The following ATG5 variants were observed in gnomAD, a reference collection of about 807,000 sequenced individuals.
ATG5 encodes the protein autophagy protein 5.
Under a neutral mutation model 36.5 loss-of-function variants are expected in ATG5, and 14 were observed. The observed-to-expected ratio is 0.38, with a 90% CI of 0.25 to 0.60. ATG5 has a LOEUF of 0.60. Among genes scored for constraint, ATG5 ranks in the 20% least tolerant of loss-of-function variants. The probability of loss-of-function intolerance (pLI) is 0.60; values close to 1 mark genes in which losing one functional copy is unlikely to be tolerated. For synonymous variants in ATG5, 95 were observed against 101.5 expected (o/e 0.94, Z 0.38); for missense variants, 195 against 326.7 (o/e 0.60, Z 3.11).
chr6:106,206,547 G>A (rs1451914574), intron 6 of ATG5, among the ~76,000 whole-genome samples: 3 of 151,890 alleles, frequency 2.0e-5, no homozygotes, highest in Non-Finnish European at 4.4e-5. Flanking sequence ...CTACTCAGGA[G>A]GCTGAGGCAG....
chr6:106,323,146 C>G (rs1463526902), intron 1 of ATG5, among the ~76,000 whole-genome samples: 3 of 151,940 alleles, frequency 2.0e-5, no homozygotes, highest in Non-Finnish European at 4.4e-5. Context: ...ACCGTGTTAG[C>G]CAGGATGGTC....
At chr6:106,305,091 C>CA (rs71756848) in intron 3 of ATG5, among the ~76,000 whole-genome samples, 16,055 of 118,320 alleles carry the variant, frequency 0.14, 963 homozygotes, top group South Asian at 0.19. Flanking sequence ...AACTCCGTCT[C>CA]AAAAAAAAAA....
At chr6:106,291,227 T>C (rs1780294844) in intron 4 of ATG5, among the ~76,000 whole-genome samples, 1 of 152,228 alleles carries the variant, frequency 6.6e-6, no homozygotes, top group Non-Finnish European at 1.5e-5. Flanking sequence ...TAAAAAGACA[T>C]GTACTTAAGA....
intron 7 of ATG5, among the ~76,000 whole-genome samples, chr6:106,201,370 G>C (rs570342165): frequency 2.0e-5 from 3 of 150,796 alleles, no homozygotes; most frequent in African/African-American, 7.3e-5. Flanking sequence ...GCATTTTCTT[G>C]GTGTTCTTTA....
intron 6 of ATG5, among the ~76,000 whole-genome samples, chr6:106,241,246 A>G (rs1008515885): frequency 4.6e-5 from 7 of 152,244 alleles, no homozygotes; most frequent in Non-Finnish European, 8.8e-5. Flanking sequence ...ACATTTCTTC[A>G]AGGATGATAA....
chr6:106,320,680 C>T (rs961014214), intron 1 of ATG5, among the ~76,000 whole-genome samples: 5 of 150,452 alleles, frequency 3.3e-5, no homozygotes, highest in African/African-American at 1.2e-4. Context: ...ATGGTAAGTG[C>T]TAGGAAATGC....
intron 6 of ATG5, among the ~76,000 whole-genome samples, chr6:106,221,252 T>C (rs957567380): frequency 6.6e-6 from 1 of 152,230 alleles, no homozygotes; most frequent in Non-Finnish European, 1.5e-5. Context: ...TTACATTTTG[T>C]AATATTTTCT....
chr6:106,258,246 G>A (rs1562241270), intron 5 of ATG5, among the ~76,000 whole-genome samples: 3 of 150,660 alleles, frequency 2.0e-5, no homozygotes, highest in Non-Finnish European at 1.5e-5. Flanking sequence ...GTGTATGCCA[G>A]TAGTACCAGC....
intron 7 of ATG5, among the ~76,000 whole-genome samples, chr6:106,197,850 C>T (rs1293860358): frequency 6.6e-6 from 1 of 152,124 alleles, no homozygotes; most frequent in African/African-American, 2.4e-5. Context: ...AACAGACTAA[C>T]ACAGCATCTA....
At chr6:106,226,223 A>G (rs1191224936) in intron 6 of ATG5, among the ~76,000 whole-genome samples, 2 of 152,222 alleles carry the variant, frequency 1.3e-5, no homozygotes, top group Non-Finnish European at 1.5e-5. Flanking sequence ...ACCAAGCAGT[A>G]ACTTTAGGGG....
intron 5 of ATG5, among the ~76,000 whole-genome samples, chr6:106,264,840 G>A (rs976095784): frequency 6.6e-6 from 1 of 151,990 alleles, no homozygotes; most frequent in Non-Finnish European, 1.5e-5. Context: ...GCTCCTGAAG[G>A]AAGCACTACA....
At chr6:106,234,336 T>C (rs879244700) in intron 6 of ATG5, among the ~76,000 whole-genome samples, 2 of 152,042 alleles carry the variant, frequency 1.3e-5, no homozygotes, top group South Asian at 4.1e-4. Flanking sequence ...TGGATGTGCC[T>C]CCCCCTGTAT....
intron 3 of ATG5, among the ~76,000 whole-genome samples, chr6:106,300,116 T>C (rs1770143741): frequency 3.3e-5 from 5 of 152,212 alleles, no homozygotes; most frequent in Admixed American, 2.6e-4. Context: ...ATAAAATCTA[T>C]GTAAGTCACA....
chr6:106,277,875 C>T (rs562247747), intron 5 of ATG5, among the ~76,000 whole-genome samples: 2 of 152,172 alleles, frequency 1.3e-5, no homozygotes, highest in African/African-American at 4.8e-5. Context: ...TAAAAGAAAT[C>T]CTAATATTTA....
At chr6:106,274,652 T>C (rs1344927597) in intron 5 of ATG5, among the ~76,000 whole-genome samples, 2 of 152,164 alleles carry the variant, frequency 1.3e-5, no homozygotes, top group Non-Finnish European at 2.9e-5. Flanking sequence ...TCCAATTCCA[T>C]AAATAAATTC....
chr6:106,195,154 C>CTAAA (rs1776124945), intron 7 of ATG5, among the ~76,000 whole-genome samples: 3 of 152,210 alleles, frequency 2.0e-5, no homozygotes, highest in African/African-American at 7.2e-5. Context: ...GAACAATGAC[C>CTAAA]TAAAGCACGT....
chr6:106,208,473 T>C (rs576602559), intron 6 of ATG5, among the ~76,000 whole-genome samples: 1 of 152,186 alleles, frequency 6.6e-6, no homozygotes, highest in South Asian at 2.1e-4. Flanking sequence ...ATTTCATTCA[T>C]TTACTCTTCA....
At chr6:106,207,203 C>T (rs1036053186) in intron 6 of ATG5, among the ~76,000 whole-genome samples, 1 of 152,166 alleles carries the variant, frequency 6.6e-6, no homozygotes, top group Non-Finnish European at 1.5e-5. Context: ...GTGGTAATGG[C>T]TGGCTGCTCC....
At chr6:106,267,615 C>T (rs1026377284) in intron 5 of ATG5, among the ~76,000 whole-genome samples, 1 of 152,172 alleles carries the variant, frequency 6.6e-6, no homozygotes, top group African/African-American at 2.4e-5. Context: ...GTAACCAAAA[C>T]AGCATGGTAC....
Sources: gnomAD v4.1 joint callset for allele counts (sites outside exome capture counted in the v4.1 genomes callset) on GRCh38, gnomAD v4.1.1 for gene constraint, MANE v1.5 for transcripts, NCBI Gene and HGNC (gene_info 2026-07-23, HGNC 2026-07-21) for gene names.